The following C3orf22 variants were observed in gnomAD, a reference collection of about 807,000 sequenced individuals.
The protein encoded by C3orf22 is chromosome 3 open reading frame 22.
Under a neutral mutation model 10.8 loss-of-function variants are expected in C3orf22, and 7 were observed. The ratio of observed to expected loss-of-function variants is 0.65; its 90% CI spans 0.37 to 1.22. The LOEUF (loss-of-function observed/expected upper bound fraction) is 1.22. C3orf22 is among the 50% of genes most tolerant of loss of function. The pLI, the probability that C3orf22 is intolerant of heterozygous loss-of-function variation, is 0.02. For synonymous variants in C3orf22, 79 were observed against 78.9 expected (o/e 1.00, Z 0.00); for missense variants, 173 against 177.0 (o/e 0.98, Z 0.13).
At position 126,552,039 on chromosome 3, in the gene C3orf22, A is replaced by G; in HGVS notation, c.173T>C (p.Leu58Pro). ...CCTCGTTGGCACCAACCTCTTCTGC[A>G]GGGGCAGCTGCACCGTGTTCGAGTC... Reference protein sequence around the residue: ...TNDSNTVQLPLQKRLVPTRSI... With the variant: ...TNDSNTVQLPPQKRLVPTRSI... The change falls in exon 3 of 4, where the codon CTG becomes CCG. Residue 58 changes from leucine to proline, a missense_variant. Leu to Pro is a moderately conservative substitution (Grantham distance 98). Transcript: ENST00000318225. The G allele has an allele frequency of 6.2e-7, 1 of 1,613,666 alleles. No individual in the cohort carries two copies. Among genetic ancestry groups the G allele is most frequent in the Non-Finnish European group, 8.5e-7 (1 of 1,179,776 alleles).
chr3:126,548,798 C>A (rs373577373), downstream of C3orf22, among the ~76,000 whole-genome samples: 3 of 152,214 alleles, frequency 2.0e-5, no homozygotes, highest in Non-Finnish European at 2.9e-5. Flanking sequence ...GCCCCCAGGG[C>A]CTGGGAAGCC....
downstream of C3orf22, among the ~76,000 whole-genome samples, chr3:126,546,617 G>A (rs138851941): frequency 4.1e-3 from 628 of 152,300 alleles, 3 homozygotes; most frequent in African/African-American, 0.013. Flanking sequence ...GCCCAGAAGA[G>A]AGAAGAGAGC....
chr3:126,554,805 T>G (rs148662588), intron 1 of C3orf22, among the ~76,000 whole-genome samples: 13 of 152,180 alleles, frequency 8.5e-5, no homozygotes, highest in Admixed American at 8.5e-4. Flanking sequence ...TCCCCTGAGC[T>G]GACAAGTGAA....
intron 4 of C3orf22, among the ~76,000 whole-genome samples, chr3:126,540,508 C>A (rs943354085): frequency 1.3e-5 from 2 of 152,200 alleles, no homozygotes; most frequent in African/African-American, 4.8e-5. Flanking sequence ...TGTGACTGTA[C>A]TATTCGCTTG....
chr3:126,531,321 C>T (rs1218510164), intron 4 of C3orf22, among the ~76,000 whole-genome samples: 1 of 152,262 alleles, frequency 6.6e-6, no homozygotes, highest in African/African-American at 2.4e-5. Flanking sequence ...GCCAAAAGAC[C>T]TGTTCCTCAG....
chr3:126,551,989 G>A lies in C3orf22; in HGVS notation c.215+8C>T, dbSNP rs774264075. On this transcript the variant is annotated splice_region_variant and intron_variant, in intron 3 of 3. Transcript: ENST00000318225. ...AGTGGGGGTGGTGGCATCAGGGCAG[G>A]GACTTACCCTCGGACTGGGATGGAC... 4 of 1,605,210 alleles carry A rather than the reference G, an allele frequency of 2.5e-6. No individual in the cohort carries two copies. The South Asian group carries it at 3.3e-5, about 13-fold the overall frequency.
chr3:126,538,584 A>G (rs953035672), intron 4 of C3orf22, among the ~76,000 whole-genome samples: 2 of 152,254 alleles, frequency 1.3e-5, no homozygotes, highest in Admixed American at 6.5e-5. Context: ...GAAGACTGAC[A>G]GGTGGCCGGA....
intron 4 of C3orf22, among the ~76,000 whole-genome samples, chr3:126,532,637 C>T (rs148056223): frequency 6.6e-6 from 1 of 152,320 alleles, no homozygotes; most frequent in East Asian, 1.9e-4. Flanking sequence ...TATGTCTCTC[C>T]TAGCCAGCAC....
At chr3:126,531,251 C>T (rs1178795938) in intron 4 of C3orf22, among the ~76,000 whole-genome samples, 1 of 152,208 alleles carries the variant, frequency 6.6e-6, no homozygotes, top group African/African-American at 2.4e-5. Context: ...GCCCGGGATT[C>T]TTGAGTTTAA....
At chr3:126,529,168 G>T in exon 5 of C3orf22, 1 of 552,758 alleles carries the variant, frequency 1.8e-6, no homozygotes, top group Non-Finnish European at 3.1e-6. Context: ...GGCTGAGGTG[G>T]GTGTGCAGAG....
chr3:126,556,438 C>T (rs554435838), intron 1 of C3orf22, among the ~76,000 whole-genome samples: 4 of 152,152 alleles, frequency 2.6e-5, no homozygotes, highest in Admixed American at 1.3e-4. Flanking sequence ...CCCCTTCCCT[C>T]CCCACATCCC....
chr3:126,530,959 G>A (rs1382356391), intron 4 of C3orf22, among the ~76,000 whole-genome samples: 1 of 152,282 alleles, frequency 6.6e-6, no homozygotes, highest in Admixed American at 6.5e-5. Flanking sequence ...GGGGCAGCAG[G>A]ACCCTGGACA....
chr3:126,530,782 C>T (rs1340345553), intron 4 of C3orf22, among the ~76,000 whole-genome samples: 2 of 152,270 alleles, frequency 1.3e-5, no homozygotes, highest in African/African-American at 4.8e-5. Context: ...ATCTCTGACT[C>T]TGTCTGGAGA....
intron 1 of C3orf22, among the ~76,000 whole-genome samples, chr3:126,553,941 T>C (rs1288853219): frequency 3.9e-5 from 6 of 152,240 alleles, no homozygotes; most frequent in African/African-American, 2.4e-5. Flanking sequence ...TATTCAGATG[T>C]AAGTTTTTGC....
chr3:126,541,480 C>T (rs1194664487), intron 4 of C3orf22, among the ~76,000 whole-genome samples: 3 of 152,354 alleles, frequency 2.0e-5, no homozygotes, highest in South Asian at 4.1e-4. Context: ...GAGTGCCCCA[C>T]GGCATACATA....
chr3:126,548,898 T>A (rs757415958), downstream of C3orf22, among the ~76,000 whole-genome samples: 3 of 152,194 alleles, frequency 2.0e-5, no homozygotes, highest in Non-Finnish European at 4.4e-5. Flanking sequence ...GAGAAGACAA[T>A]AAAGCCACAT....
chr3:126,544,939 G>T (rs1205091926), downstream of C3orf22, among the ~76,000 whole-genome samples: 1 of 152,240 alleles, frequency 6.6e-6, no homozygotes, highest in African/African-American at 2.4e-5. Context: ...GACTGAGGGC[G>T]CTGGGGCAGC....
chr3:126,539,246 G>GT (rs1463884425), intron 4 of C3orf22, among the ~76,000 whole-genome samples: 1 of 152,094 alleles, frequency 6.6e-6, no homozygotes, highest in African/African-American at 2.4e-5. Context: ...ATGTCTGAAC[G>GT]TATCTCTAAA....
At chr3:126,552,222 A>G in intron 2 of C3orf22, 100 bp from the exon 3 acceptor site, 3 of 1,551,300 alleles carry the variant, frequency 1.9e-6, no homozygotes, top group Non-Finnish European at 2.6e-6. Flanking sequence ...CACTGTTCTA[A>G]GTGCTTCACA....
Sources: gnomAD v4.1 joint callset for allele counts (sites outside exome capture counted in the v4.1 genomes callset) on GRCh38, gnomAD v4.1.1 for gene constraint, MANE v1.5 for transcripts, NCBI Gene and HGNC (gene_info 2026-07-23, HGNC 2026-07-21) for gene names.